DOCK9: variants seen among roughly 807,000 people sequenced by gnomAD.
The protein encoded by DOCK9 is dedicator of cytokinesis protein 9.
In DOCK9, 89 loss-of-function variants were observed where a neutral mutation model predicts 263.3. The ratio of observed to expected loss-of-function variants is 0.34; its 90% CI spans 0.28 to 0.40. The LOEUF is 0.40. DOCK9 is among the 10% of genes least tolerant of loss of function. The pLI, the probability that DOCK9 is intolerant of heterozygous loss-of-function variation, is 1.00. For missense variants in DOCK9, 2,140 were observed against 2,603.4 expected (o/e 0.82, Z 3.87); for synonymous variants, 976 against 973.1 (o/e 1.00, Z -0.06).
intron 50 of DOCK9, 145 bp downstream of exon 50, chr13:98,800,143 A>C: frequency 1.1e-6 from 1 of 880,478 alleles, no homozygotes; most frequent in Middle Eastern, 3.6e-4. Context: ...TATCAGGAGA[A>C]ATGTCACAGA....
At chr13:98,827,644 T>G (rs1332818094) in intron 43 of DOCK9, among the ~76,000 whole-genome samples, 1 of 152,220 alleles carries the variant, frequency 6.6e-6, no homozygotes, top group African/African-American at 2.4e-5. Context: ...CAGCGTGGCA[T>G]GCACTCTGAT....
intron 2 of DOCK9, among the ~76,000 whole-genome samples, chr13:98,944,566 C>G (rs1162927032): frequency 6.6e-6 from 1 of 152,190 alleles, no homozygotes; most frequent in Admixed American, 6.5e-5. Flanking sequence ...ACACTGTGTT[C>G]CATGTGTGTG....
Position 98,856,000 on chromosome 13 carries a change from G to C in DOCK9, c.3729C>G (p.Ile1243Met). Reference protein sequence around the residue: ...ASPYTTSTPNINSVRNADSRG... With the variant: ...ASPYTTSTPNMNSVRNADSRG... ...TCGAATCAGCATTTCTCACACTGTT[G>C]ATGTTTGGAGTTGAGGTTGTATATG... Residue 1243 changes from isoleucine to methionine, a missense_variant, in exon 34 of 53, where the codon ATC becomes ATG. Coordinates refer to ENST00000682017, the MANE Select transcript of DOCK9 (RefSeq NM_001366683.2). The C allele has an allele frequency of 6.2e-7, 1 of 1,613,968 alleles. No individual in the cohort carries two copies. The highest frequency in any genetic ancestry group is 8.5e-7 in the Non-Finnish European group (1 of 1,179,864).
chr13:98,798,027 G>A (rs772300), intron 50 of DOCK9, among the ~76,000 whole-genome samples: 116,506 of 152,202 alleles, frequency 0.77, 45,047 homozygotes, highest in Non-Finnish European at 0.82. Flanking sequence ...GAGCGTTTGC[G>A]GTGTGCTGGA....
intron 30 of DOCK9, 33 bp downstream of exon 30, chr13:98,867,392 G>A: frequency 2.6e-6 from 3 of 1,165,136 alleles, no homozygotes; most frequent in Non-Finnish European, 1.3e-6. Flanking sequence ...GTCTCTGTTT[G>A]TGAAAAGGTT....
intron 7 of DOCK9, among the ~76,000 whole-genome samples, chr13:98,915,968 A>G (rs2050824141): frequency 3.3e-5 from 5 of 152,110 alleles, no homozygotes; most frequent in Admixed American, 3.3e-4. Context: ...TTAAAAGCCA[A>G]CCATTATCTA....
At chr13:98,827,938 T>C (rs1438321689) in intron 43 of DOCK9, among the ~76,000 whole-genome samples, 2 of 152,208 alleles carry the variant, frequency 1.3e-5, no homozygotes, top group Non-Finnish European at 2.9e-5. Flanking sequence ...GACCTCAGAA[T>C]GTGATATTAT....
chr13:98,844,706 C>T (rs1460714390), intron 38 of DOCK9, among the ~76,000 whole-genome samples: 2 of 152,156 alleles, frequency 1.3e-5, no homozygotes, highest in African/African-American at 2.4e-5. Context: ...AAACTGCACC[C>T]GGACAATCTT....
chr13:99,008,282 A>G (rs1385190016), intron 1 of DOCK9, among the ~76,000 whole-genome samples: 2 of 140,618 alleles, frequency 1.4e-5, no homozygotes, highest in African/African-American at 5.4e-5. Flanking sequence ...CCCCAGGCTG[A>G]AGTGCAATGG....
intron 1 of DOCK9, chr13:99,015,358 C>T (rs1036862252): frequency 1.1e-5 from 12 of 1,137,522 alleles, no homozygotes; most frequent in East Asian, 2.6e-5. Flanking sequence ...CATATAAGTA[C>T]ACTTAAATAA....
intron 52 of DOCK9, chr13:98,796,316 A>G: frequency 2.1e-6 from 2 of 960,262 alleles, no homozygotes; most frequent in Non-Finnish European, 3.3e-6. Context: ...CTGTCAGGGG[A>G]TAGGATCACT....
At chr13:99,026,088 A>C (rs1886675451) in intron 1 of DOCK9, among the ~76,000 whole-genome samples, 1 of 53,318 alleles carries the variant, frequency 1.9e-5, no homozygotes, top group East Asian at 7.5e-4. Flanking sequence ...AAAAAAAAAA[A>C]AAAAAAAAAA....
At chr13:98,869,526 T>C (rs887037774) in intron 27 of DOCK9, among the ~76,000 whole-genome samples, 3 of 152,248 alleles carry the variant, frequency 2.0e-5, no homozygotes, top group African/African-American at 7.2e-5. Flanking sequence ...GTAGGAAGGA[T>C]GCTCCATTAC....
intron 1 of DOCK9, among the ~76,000 whole-genome samples, chr13:99,084,124 C>T (rs898377163): frequency 6.6e-6 from 1 of 152,124 alleles, no homozygotes; most frequent in Admixed American, 6.5e-5. Flanking sequence ...ACAACAAAGC[C>T]CGGCCAGAAC....
At chr13:99,078,493 A>G (rs997326140) in intron 1 of DOCK9, among the ~76,000 whole-genome samples, 3 of 152,234 alleles carry the variant, frequency 2.0e-5, no homozygotes, top group Non-Finnish European at 4.4e-5. Flanking sequence ...CACTAAGGAC[A>G]TGAGCAGGTC....
intron 36 of DOCK9, among the ~76,000 whole-genome samples, chr13:98,849,688 T>C (rs2093504516): frequency 6.6e-6 from 1 of 152,200 alleles, no homozygotes; most frequent in Non-Finnish European, 1.5e-5. Context: ...TTTAAAATTA[T>C]AGCAACTTTT....
intron 1 of DOCK9, among the ~76,000 whole-genome samples, chr13:98,957,048 G>A (rs906105089): frequency 6.6e-5 from 10 of 152,000 alleles, no homozygotes; most frequent in Admixed American, 5.3e-4. Context: ...AATTTTATTC[G>A]AGTGGAAAAG....
intron 1 of DOCK9, 37 bp from the exon 2 acceptor site, chr13:98,955,588 AC>A: frequency 7.2e-7 from 1 of 1,379,806 alleles, no homozygotes; most frequent in Non-Finnish European, 1.0e-6. Flanking sequence ...ATTCTCATAC[AC>A]AAATGCCATT....
chr13:98,982,341 A>C (rs1877405462), upstream of DOCK9, among the ~76,000 whole-genome samples: 1 of 152,214 alleles, frequency 6.6e-6, no homozygotes, highest in African/African-American at 2.4e-5. Context: ...GATTAGTGGA[A>C]GGAGTGACTC....
Sources: allele counts gnomAD v4.1 joint callset (sites outside exome capture counted in the v4.1 genomes callset), GRCh38; gene constraint gnomAD v4.1.1; transcripts MANE v1.5; gene names NCBI Gene and HGNC (gene_info 2026-07-23, HGNC 2026-07-21).